The following SPIN1 variants were observed in gnomAD, a reference collection of about 807,000 sequenced individuals.
SPIN1 encodes the protein spindlin 1.
In SPIN1, 3 loss-of-function variants were observed where a neutral mutation model predicts 26.0. That is an observed-to-expected ratio of 0.12 (90% confidence interval 0.05 to 0.30). The LOEUF (loss-of-function observed/expected upper bound fraction) is 0.30. Among genes scored for constraint, SPIN1 ranks in the 10% least tolerant of loss-of-function variants. The pLI is 1.00. For missense variants in SPIN1, 126 were observed against 333.4 expected (o/e 0.38, Z 4.84); for synonymous variants, 101 against 116.5 (o/e 0.87, Z 0.86).
intron 1 of SPIN1, among the ~76,000 whole-genome samples, chr9:88,397,128 A>G (rs1202691253): frequency 6.6e-6 from 1 of 152,114 alleles, no homozygotes; most frequent in Non-Finnish European, 1.5e-5. Context: ...GCTACACTAA[A>G]TTTATAAAAA....
intron 1 of SPIN1, among the ~76,000 whole-genome samples, chr9:88,408,400 C>T (rs66911856): frequency 0.2 from 25,223 of 126,208 alleles, 3,141 homozygotes; most frequent in African/African-American, 0.37. Context: ...TTTTTTGAGA[C>T]GGAGTGTTGC....
chr9:88,458,701 G>A (rs963076499), intron 3 of SPIN1, among the ~76,000 whole-genome samples: 4 of 152,094 alleles, frequency 2.6e-5, no homozygotes, highest in Admixed American at 6.6e-5. Context: ...GGAGGGAAGC[G>A]GGGAAGATTT....
intron 1 of SPIN1, among the ~76,000 whole-genome samples, chr9:88,407,158 G>C (rs1002722366): frequency 1.8e-3 from 229 of 129,400 alleles, no homozygotes; most frequent in Middle Eastern, 0.018. Context: ...AAAAAAAAAA[G>C]ATGGAGTCTC....
At chr9:88,400,080 G>A (rs755717936) in intron 1 of SPIN1, among the ~76,000 whole-genome samples, 3 of 152,074 alleles carry the variant, frequency 2.0e-5, no homozygotes, top group Non-Finnish European at 4.4e-5. Context: ...CTTAATCTCC[G>A]TTTGCCTGAA....
At chr9:88,443,119 C>CAAAAAAAAAA (rs769488109) in intron 2 of SPIN1, among the ~76,000 whole-genome samples, 1 of 81,378 alleles carries the variant, frequency 1.2e-5, no homozygotes, top group African/African-American at 3.5e-5. Flanking sequence ...GACTCCATCT[C>CAAAAAAAAAA]AAAAAAAAAA....
chr9:88,423,774 G>A (rs547646458), intron 1 of SPIN1, among the ~76,000 whole-genome samples: 3 of 131,316 alleles, frequency 2.3e-5, no homozygotes, highest in Non-Finnish European at 4.9e-5. Flanking sequence ...TTTATTTATT[G>A]TACTTTTTTG....
At chr9:88,409,118 C>T (rs752287823) in intron 1 of SPIN1, among the ~76,000 whole-genome samples, 15 of 151,688 alleles carry the variant, frequency 9.9e-5, no homozygotes, top group African/African-American at 2.4e-4. Flanking sequence ...GACTTAGCCT[C>T]GGGAGTAGCT....
At chr9:88,399,331 C>T (rs577281459) in intron 1 of SPIN1, among the ~76,000 whole-genome samples, 19 of 152,288 alleles carry the variant, frequency 1.2e-4, no homozygotes, top group South Asian at 2.1e-4. Context: ...CGTGCCCAGC[C>T]GTTAAGCGGT....
chr9:88,448,894 A>G, intron 2 of SPIN1, 47 bp from the exon 3 acceptor site: 1 of 1,578,820 alleles, frequency 6.3e-7, no homozygotes. Flanking sequence ...ATTCTGAGGT[A>G]TTCTTTTATC....
intron 1 of SPIN1, among the ~76,000 whole-genome samples, chr9:88,404,382 T>G (rs1827251714): frequency 6.6e-6 from 1 of 152,194 alleles, no homozygotes; most frequent in Non-Finnish European, 1.5e-5. Flanking sequence ...CAATCCAGTC[T>G]TGGCTGCTAC....
rs192783451 is a variant in SPIN1, at chr9:88,476,437, C to G, written c.*1160C>G. ...CCCTTCCTGCCTACCCCTGGCTTTT[C>G]CTCACAAAGAATGTCTAGACAAACA... is the stretch of plus-strand genomic sequence containing the variant. On this transcript the variant is annotated 3_prime_UTR_variant, in exon 6 of 6. Coordinates refer to ENST00000375859, the MANE Select transcript of SPIN1 (RefSeq NM_006717.3). 76 of 152,464 alleles carry G rather than the reference C, an allele frequency of 5.0e-4. No individual in the cohort carries two copies. Among genetic ancestry groups the G allele is most frequent in the African/African-American group, 1.8e-3 (75 of 41,564 alleles). The allele number at this position is 152,464 out of a possible 1,614,324, so 9.4% of individuals were successfully genotyped here.
At chr9:88,461,885 A>G (rs1828584320) in intron 3 of SPIN1, among the ~76,000 whole-genome samples, 1 of 152,240 alleles carries the variant, frequency 6.6e-6, no homozygotes, top group South Asian at 2.1e-4. Context: ...TATAAACTTC[A>G]GTTTTAAGAT....
intron 2 of SPIN1, among the ~76,000 whole-genome samples, chr9:88,438,141 A>T (rs1296938187): frequency 6.6e-6 from 1 of 151,190 alleles, no homozygotes; most frequent in Non-Finnish European, 1.5e-5. Context: ...ACAGAGCAAG[A>T]CCCTGTCTCA....
intron 1 of SPIN1, among the ~76,000 whole-genome samples, chr9:88,392,444 C>T (rs7047310): frequency 0.33 from 49,894 of 152,070 alleles, 15,422 homozygotes; most frequent in African/African-American, 0.82. Flanking sequence ...AAGGTGATTC[C>T]ATAGATTATC....
intron 1 of SPIN1, among the ~76,000 whole-genome samples, chr9:88,410,188 T>TGTGTGTGTGTGCGCGCGCGC: frequency 7.0e-6 from 1 of 142,966 alleles, no homozygotes; most frequent in East Asian, 2.0e-4. Context: ...TGTGTGTGTG[T>TGTGTGTGTGTGCGCGCGCGC]GCAACTTTTT....
chr9:88,390,816 A>T (rs1269498877), intron 1 of SPIN1, among the ~76,000 whole-genome samples: 1 of 152,210 alleles, frequency 6.6e-6, no homozygotes, highest in African/African-American at 2.4e-5. Flanking sequence ...GTCCAAAGCC[A>T]CATAACTGAT....
At chr9:88,397,265 C>T (rs961608094) in intron 1 of SPIN1, among the ~76,000 whole-genome samples, 2 of 152,052 alleles carry the variant, frequency 1.3e-5, no homozygotes, top group African/African-American at 2.4e-5. Context: ...TATGGATCCA[C>T]TGTAGTATAT....
At chr9:88,429,771 C>T (rs534325045) in intron 2 of SPIN1, among the ~76,000 whole-genome samples, 18 of 152,190 alleles carry the variant, frequency 1.2e-4, no homozygotes, top group Non-Finnish European at 2.1e-4. Context: ...GCCCCTGTCC[C>T]GTAACAGTGG....
At position 88,477,751 on chromosome 9, in the gene SPIN1, A is replaced by G. The variant is rs1828913202; in HGVS notation, c.*2474A>G. On this transcript the variant is annotated 3_prime_UTR_variant, in exon 6 of 6. Transcript: ENST00000375859. ...GAATTCAACATTAATTTCCAAAAGTATCATGGGACTTGTGACAATACAAGA... is the reference window on the plus strand; with the variant it reads ...GAATTCAACATTAATTTCCAAAAGTGTCATGGGACTTGTGACAATACAAGA... 1 of 152,606 alleles carries G rather than the reference A, an allele frequency of 6.6e-6. No homozygotes were observed. The highest frequency in any genetic ancestry group is 6.5e-5 in the Admixed American group (1 of 15,272). 9.5% of individuals were successfully genotyped at this position (152,606 alleles called of 1,614,324 possible).
Sources: allele counts gnomAD v4.1 joint callset (sites outside exome capture counted in the v4.1 genomes callset), GRCh38; gene constraint gnomAD v4.1.1; transcripts MANE v1.5; gene names NCBI Gene and HGNC (gene_info 2026-07-23, HGNC 2026-07-21).